The following LRFN2 variants were observed in gnomAD, a reference collection of about 807,000 sequenced individuals.
LRFN2 encodes the protein leucine rich repeat and fibronectin type III domain containing 2, also known as leucine-rich repeat and fibronectin type-III domain-containing protein 2.
A neutral mutation model predicts 37.3 loss-of-function variants in LRFN2; 18 were observed. That is an observed-to-expected ratio of 0.48 (90% CI 0.33 to 0.72). The LOEUF (loss-of-function observed/expected upper bound fraction) is 0.72. Ranked by LOEUF, LRFN2 falls within the 30% of genes least tolerant of loss-of-function variation. LRFN2 has a pLI of 0.02. For synonymous variants in LRFN2, 556 were observed against 466.6 expected (o/e 1.19, Z -2.47); for missense variants, 1,006 against 1,060.7 (o/e 0.95, Z 0.72).
chr6:40,463,650 C>G (rs1764394173), intron 1 of LRFN2, among the ~76,000 whole-genome samples: 1 of 148,848 alleles, frequency 6.7e-6, no homozygotes, highest in African/African-American at 2.5e-5. Flanking sequence ...CTGCATACAT[C>G]ATACTATTTC....
Position 40,433,137 on chromosome 6 carries a change from A to G in LRFN2, c.-18-6T>C. The G allele has an allele frequency of 6.6e-7, 1 of 1,514,650 alleles. No individual in the cohort carries two copies. The highest frequency in any genetic ancestry group is 8.8e-7 in the Non-Finnish European group (1 of 1,133,082). The allele number at this position is 1,514,650 out of a possible 1,614,324, so 93.8% of individuals were successfully genotyped here. ...ATGGTCTGGTCACTCAGCGCCTGGA[A>G]GGGAGAAACACAAGCTCAGGGTCAG... On this transcript the variant is annotated splice_region_variant and splice_polypyrimidine_tract_variant and intron_variant, in intron 1 of 2. Transcript: ENST00000338305.
At chr6:40,526,993 G>T (rs12212732) in intron 1 of LRFN2, among the ~76,000 whole-genome samples, 2,637 of 152,252 alleles carry the variant, frequency 0.017, 36 homozygotes, top group Non-Finnish European at 0.026. Context: ...TGCACTGAGG[G>T]CATAAATATG....
At chr6:40,441,517 G>C (rs954363178) in intron 1 of LRFN2, among the ~76,000 whole-genome samples, 17 of 152,168 alleles carry the variant, frequency 1.1e-4, no homozygotes, top group African/African-American at 3.1e-4. Flanking sequence ...CTGAGGAAGA[G>C]AGAGGGAGCA....
chr6:40,553,168 C>CCA (rs1766808782), intron 1 of LRFN2, among the ~76,000 whole-genome samples: 1 of 152,150 alleles, frequency 6.6e-6, no homozygotes, highest in Non-Finnish European at 1.5e-5. Context: ...TCTAATTAAC[C>CCA]CACATCCCTG....
chr6:40,440,173 G>A (rs1332705815), intron 1 of LRFN2, among the ~76,000 whole-genome samples: 1 of 151,962 alleles, frequency 6.6e-6, no homozygotes, highest in East Asian at 1.9e-4. Flanking sequence ...CAAAAGGGCA[G>A]AATGAGCCCA....
chr6:40,466,746 G>A (rs1326123600), intron 1 of LRFN2, among the ~76,000 whole-genome samples: 2 of 152,122 alleles, frequency 1.3e-5, no homozygotes, highest in East Asian at 3.9e-4. Context: ...GACAACGTGT[G>A]CTTTACTTAT....
intron 1 of LRFN2, among the ~76,000 whole-genome samples, chr6:40,561,850 C>T (rs1767001063): frequency 1.3e-5 from 2 of 152,060 alleles, no homozygotes; most frequent in Non-Finnish European, 2.9e-5. Flanking sequence ...CTGGGAGGCC[C>T]ACCCCAGGCT....
chr6:40,528,591 T>G (rs1766295288), intron 1 of LRFN2, among the ~76,000 whole-genome samples: 1 of 152,238 alleles, frequency 6.6e-6, no homozygotes, highest in Non-Finnish European at 1.5e-5. Flanking sequence ...CTCAGACTAA[T>G]ACAGATGCTT....
At chr6:40,404,882 C>A (rs1204737061) in intron 2 of LRFN2, among the ~76,000 whole-genome samples, 1 of 152,170 alleles carries the variant, frequency 6.6e-6, no homozygotes, top group Non-Finnish European at 1.5e-5. Context: ...TTCCTAAGAC[C>A]TCTGGGTTCA....
intron 1 of LRFN2, among the ~76,000 whole-genome samples, chr6:40,545,407 C>G (rs1472209422): frequency 6.6e-6 from 1 of 152,192 alleles, no homozygotes; most frequent in Admixed American, 6.5e-5. Flanking sequence ...GCAGAGCAGG[C>G]AGCCACAGCC....
chr6:40,555,081 C>A (rs1256880886), intron 1 of LRFN2, among the ~76,000 whole-genome samples: 1 of 152,186 alleles, frequency 6.6e-6, no homozygotes. Flanking sequence ...GACCTCTTTT[C>A]CCTGGGTAAG....
Position 40,392,977 on chromosome 6 carries a change from T to G in LRFN2, c.1401-65A>C, listed in dbSNP as rs1270325765. On this transcript the variant is annotated intron_variant, in intron 2 of 2. Transcript: ENST00000338305. This position sits in a 1 kb window ranked among gnomAD's most constrained non-coding sequence, Gnocchi z 4.7. ...GGTGGAAGGACAGGGTGATGGGGAG[T>G]GGACAGAGGTAGAAACAGAGTGACA... is the stretch of plus-strand genomic sequence containing the variant. 113 of 1,254,766 alleles carry G rather than the reference T, an allele frequency of 9.0e-5. No individual in the cohort carries two copies. Among genetic ancestry groups the G allele is most frequent in the African/African-American group, 3.3e-4 (15 of 45,130 alleles). The allele number at this position is 1,254,766 out of a possible 1,614,324, so 77.7% of individuals were successfully genotyped here.
At position 40,556,920 on chromosome 6, in the gene LRFN2, T is replaced by C. The variant is rs184097391; in HGVS notation, c.-19+30021A>G. On this transcript the variant is annotated intron_variant, in intron 1 of 2. Transcript: ENST00000338305. ...CACAAATCCAGCTCAAGGCATCCTTTGATTTTGTCTAATCCACATCACTTC... is the reference window on the plus strand; with the variant it reads ...CACAAATCCAGCTCAAGGCATCCTTCGATTTTGTCTAATCCACATCACTTC... Among the ~76,000 whole-genome samples the C allele has an allele frequency of 1.6e-4, 24 of 152,262 alleles. No homozygotes were observed. The East Asian group carries it at 4.3e-3, about 27-fold the overall frequency.
At chr6:40,452,722 T>C (rs1293667500) in intron 1 of LRFN2, among the ~76,000 whole-genome samples, 1 of 152,120 alleles carries the variant, frequency 6.6e-6, no homozygotes, top group East Asian at 1.9e-4. Flanking sequence ...GGAGGTTCCT[T>C]TGAAGCCAAC....
intron 1 of LRFN2, among the ~76,000 whole-genome samples, chr6:40,497,764 C>T (rs1332172542): frequency 6.6e-6 from 1 of 152,110 alleles, no homozygotes; most frequent in Admixed American, 6.6e-5. Context: ...TCCTGTCTTC[C>T]CCAGGATTGA....
intron 1 of LRFN2, among the ~76,000 whole-genome samples, chr6:40,438,741 G>GGGAC (rs1763755967): frequency 6.6e-6 from 1 of 152,222 alleles, no homozygotes; most frequent in African/African-American, 2.4e-5. Flanking sequence ...GGGCCTGGAA[G>GGGAC]GGACGCTGGC....
At chr6:40,411,530 T>C (rs1762967352) in intron 2 of LRFN2, among the ~76,000 whole-genome samples, 1 of 152,188 alleles carries the variant, frequency 6.6e-6, no homozygotes, top group African/African-American at 2.4e-5. Context: ...CATGGCCCTG[T>C]GGGGTCTGGC....
chr6:40,432,143 G>T lies in LRFN2; in HGVS notation c.971C>A (p.Ala324Asp), dbSNP rs776572392. 3.7e-6 allele frequency: 6 copies of T among 1,613,854 alleles called. No individual in the cohort carries two copies. Among genetic ancestry groups the T allele is most frequent in the South Asian group, 2.2e-5 (2 of 91,086 alleles). Residue 324 changes from alanine (A) to aspartate (D), a missense_variant, in exon 2 of 3, where the codon GCC becomes GAC. Physicochemically the swap from Ala to Asp is moderately radical, Grantham distance 126 (BLOSUM62 -2). This residue lies in a region of LRFN2 where 303 missense variants were observed against 299.8 expected (regional missense o/e 1.01). Transcript: ENST00000338305. ...GTTCCCTACCAGGCGGTCATCGGGG[G>T]CTACCCAGTGGATAAGGGGGCTGGG... is the stretch of plus-strand genomic sequence containing the variant. ...GDPSPLIHWVAPDDRLVGNSS... is the reference protein window; with the variant it reads ...GDPSPLIHWVDPDDRLVGNSS...
chr6:40,533,001 A>G (rs1257168831), intron 1 of LRFN2, among the ~76,000 whole-genome samples: 1 of 152,214 alleles, frequency 6.6e-6, no homozygotes, highest in African/African-American at 2.4e-5. Flanking sequence ...GCAACGGCCA[A>G]CTGTAAGGTG....
Sources: allele counts gnomAD v4.1 joint callset (sites outside exome capture counted in the v4.1 genomes callset), GRCh38; gene constraint gnomAD v4.1.1; regional missense constraint gnomAD v4.1.1; non-coding constraint Gnocchi (gnomAD v3.1); transcripts MANE v1.5; gene names NCBI Gene and HGNC (gene_info 2026-07-23, HGNC 2026-07-21).